ABCC4: variants seen among roughly 807,000 people sequenced by gnomAD.
ABCC4 encodes the protein ATP-binding cassette sub-family C member 4.
In ABCC4, 102 loss-of-function variants were observed where a neutral mutation model predicts 168.5. The ratio of observed to expected loss-of-function variants is 0.61; its 90% CI spans 0.52 to 0.71. The LOEUF is 0.71. Ranked by LOEUF, ABCC4 falls within the 30% of genes least tolerant of loss-of-function variation. The pLI, the probability that ABCC4 is intolerant of heterozygous loss-of-function variation, is 0.00. For synonymous variants in ABCC4, 617 were observed against 590.7 expected, an observed-to-expected ratio of 1.04 and a Z score of -0.65; for missense variants, 1,402 against 1,605.8, an observed-to-expected ratio of 0.87 and a Z score of 2.17.
At chr13:95,157,376 A>T (rs2036904693) in intron 19 of ABCC4, among the ~76,000 whole-genome samples, 1 of 152,006 alleles carries the variant, frequency 6.6e-6, no homozygotes, top group Admixed American at 6.6e-5. Flanking sequence ...GACACCTGTA[A>T]TACCAACTAC....
chr13:95,128,102 G>C (rs1031678627), intron 19 of ABCC4, among the ~76,000 whole-genome samples: 2 of 152,138 alleles, frequency 1.3e-5, no homozygotes, highest in African/African-American at 4.8e-5. Flanking sequence ...GAGTCCTGAG[G>C]GCTGAGCTGA....
At chr13:95,111,713 T>C (rs2139401258) in intron 20 of ABCC4, among the ~76,000 whole-genome samples, 1 of 152,344 alleles carries the variant, frequency 6.6e-6, no homozygotes, top group Admixed American at 6.5e-5. Flanking sequence ...CAAATACAAA[T>C]ATTTTATTGA....
rs1357343916 is a variant in ABCC4 at position 95,161,288 on chromosome 13, C to T, written c.2356G>A (p.Val786Ile). 43 of 1,603,724 alleles carry T rather than the reference C, an allele frequency of 2.7e-5. No homozygotes were observed. The highest frequency in any genetic ancestry group is 3.6e-5 in the Non-Finnish European group (42 of 1,177,586). The change falls in exon 19 of 31, where the codon GTA becomes ATA. Residue 786 changes from valine (V) to isoleucine (I), a missense_variant. Val to Ile is a conservative substitution (Grantham distance 29). Around this residue, in one of 3 missense-constraint regions of ABCC4, gnomAD observed 1,007 missense variants for 1,127.3 expected, o/e 0.89. Coordinates refer to ENST00000645237, the MANE Select transcript of ABCC4 (RefSeq NM_005845.5). ...GAAGAGTTAACAAGGACGTAGAATA[C>T]CAATAGAGATCTTGCTATGCCAAAA... ...VLFGIARSLL[V>I]FYVLVNSSQT... is the part of the protein sequence containing the mutation.
chr13:95,300,253 A>G (rs1438086733), intron 1 of ABCC4, among the ~76,000 whole-genome samples: 1 of 152,072 alleles, frequency 6.6e-6, no homozygotes, highest in Non-Finnish European at 1.5e-5. Flanking sequence ...TGGTTTTAAG[A>G]AGGTAGAACT....
rs576129967 is a variant in ABCC4, at chr13:95,199,099, CAT to C, written c.1162-4164_1162-4163del. 7.2e-3 allele frequency among the ~76,000 whole-genome samples: 1,097 copies of C among 152,214 alleles called. 9 individuals are homozygous for C. Among genetic ancestry groups the C allele is most frequent in the African/African-American group, 0.011 (472 of 41,522 alleles). On this transcript the variant is annotated intron_variant, in intron 8 of 30. Coordinates refer to ENST00000645237, the MANE Select transcript of ABCC4 (RefSeq NM_005845.5). ...ATGTAACAAACCTTCATGTTCTGCA[CAT>C]GTGTCCCAGAAAAAGTATAATAAAA...
intron 19 of ABCC4, among the ~76,000 whole-genome samples, chr13:95,145,411 G>A (rs1474344414): frequency 6.6e-6 from 1 of 150,634 alleles, no homozygotes; most frequent in Admixed American, 6.6e-5. Context: ...GAGCCCAGGA[G>A]TTCAAAACCA....
intron 1 of ABCC4, among the ~76,000 whole-genome samples, chr13:95,290,977 G>A (rs547972463): frequency 1.6e-3 from 111 of 69,048 alleles, no homozygotes; most frequent in Non-Finnish European, 2.5e-3. Flanking sequence ...CGGCCTGGGC[G>A]ACAGAGCAAG....
intron 2 of ABCC4, 147 bp from the exon 3 acceptor site, chr13:95,247,242 A>C: frequency 1.1e-6 from 1 of 917,944 alleles, no homozygotes; most frequent in South Asian, 1.7e-5. Flanking sequence ...GGGCTCCTGA[A>C]GGTTATGTGT....
intron 22 of ABCC4, 55 bp downstream of exon 22, chr13:95,075,377 G>C: frequency 1.2e-6 from 2 of 1,610,188 alleles, no homozygotes. Flanking sequence ...GGGAGGTTAA[G>C]CCAGAAAAAG....
At chr13:95,176,847 A>T (rs1490845686) in intron 13 of ABCC4, among the ~76,000 whole-genome samples, 2 of 152,180 alleles carry the variant, frequency 1.3e-5, no homozygotes, top group Non-Finnish European at 2.9e-5. Context: ...TTTTGGCAAA[A>T]CCAGTTCACA....
chr13:95,301,329 C>A lies in ABCC4; in HGVS notation c.-15G>T. The A allele has an allele frequency of 6.3e-7, 1 of 1,575,522 alleles. No individual in the cohort carries two copies. Among genetic ancestry groups the A allele is most frequent in the Non-Finnish European group, 8.6e-7 (1 of 1,162,156 alleles). Reference sequence around the variant, plus strand: ...ACGGGCAGCATCTTGCCGGGCGGGGCGGGCGCGGGCCGGGGTCGCGCTGAT... The same window carrying A: ...ACGGGCAGCATCTTGCCGGGCGGGGAGGGCGCGGGCCGGGGTCGCGCTGAT... On this transcript the variant is annotated 5_prime_UTR_variant, in exon 1 of 31. Transcript: ENST00000645237.
intron 11 of ABCC4, among the ~76,000 whole-genome samples, chr13:95,183,070 T>C (rs1237488198): frequency 6.8e-6 from 1 of 147,774 alleles, no homozygotes; most frequent in Non-Finnish European, 1.5e-5. Flanking sequence ...TTTTTTCCTC[T>C]AGGACTTTTT....
intron 13 of ABCC4, among the ~76,000 whole-genome samples, chr13:95,173,481 T>C (rs942406679): frequency 3.3e-5 from 5 of 152,196 alleles, no homozygotes; most frequent in Non-Finnish European, 7.3e-5. Context: ...CCAGGCAAAC[T>C]ATCCCTGGTT....
intron 4 of ABCC4, among the ~76,000 whole-genome samples, chr13:95,213,220 G>T (rs985585025): frequency 3.3e-5 from 5 of 151,586 alleles, no homozygotes; most frequent in Admixed American, 3.3e-4. Context: ...CTGGAAAACT[G>T]TAACGTTGGG....
chr13:95,110,202 G>A (rs145277775), intron 20 of ABCC4, among the ~76,000 whole-genome samples: 2,614 of 151,678 alleles, frequency 0.017, 85 homozygotes, highest in African/African-American at 0.06. Flanking sequence ...TCAGCTACTC[G>A]GGAGGCGGAG....
chr13:95,145,787 T>C (rs2036473994), intron 19 of ABCC4, among the ~76,000 whole-genome samples: 1 of 152,306 alleles, frequency 6.6e-6, no homozygotes, highest in Non-Finnish European at 1.5e-5. Flanking sequence ...AACAAACTTA[T>C]GCCCTTTGCA....
At chr13:95,166,059 G>C in intron 15 of ABCC4, 99 bp downstream of exon 15, 1 of 1,157,738 alleles carries the variant, frequency 8.6e-7, no homozygotes, top group Non-Finnish European at 1.3e-6. Context: ...AATCCACTTT[G>C]GGACAAAAGA....
At chr13:95,169,305 C>A (rs2037388590) in intron 14 of ABCC4, among the ~76,000 whole-genome samples, 1 of 152,196 alleles carries the variant, frequency 6.6e-6, no homozygotes, top group African/African-American at 2.4e-5. Context: ...GTCTTGTGAA[C>A]CACTAAGACT....
chr13:95,230,546 G>A (rs1432840384), intron 4 of ABCC4, among the ~76,000 whole-genome samples: 1 of 152,234 alleles, frequency 6.6e-6, no homozygotes, highest in Non-Finnish European at 1.5e-5. Context: ...GGAGGCCAAG[G>A]TGAGCAGATC....
Sources: allele counts gnomAD v4.1 joint callset (sites outside exome capture counted in the v4.1 genomes callset), GRCh38; gene constraint gnomAD v4.1.1; regional missense constraint gnomAD v4.1.1; transcripts MANE v1.5; gene names NCBI Gene and HGNC (gene_info 2026-07-23, HGNC 2026-07-21).